The following TTI1 variants were observed in gnomAD, a reference collection of about 807,000 sequenced individuals.
The protein encoded by TTI1 is TELO2-interacting protein 1 homolog.
A neutral mutation model predicts 85.4 loss-of-function variants in TTI1; 52 were observed. The observed-to-expected ratio is 0.61, with a 90% CI of 0.49 to 0.77. The LOEUF is 0.77. Ranked by LOEUF, TTI1 falls within the 30% of genes least tolerant of loss-of-function variation. The probability of loss-of-function intolerance (pLI) is 0.00; values close to 1 mark genes in which losing one functional copy is unlikely to be tolerated. For missense variants in TTI1, 1,173 were observed against 1,296.0 expected (o/e 0.91, Z 1.46); for synonymous variants, 512 against 503.9 (o/e 1.02, Z -0.22).
chr20:38,018,047 A>G (rs1462516189), intron 1 of TTI1, among the ~76,000 whole-genome samples: 1 of 152,234 alleles, frequency 6.6e-6, no homozygotes, highest in East Asian at 1.9e-4. Context: ...ATCCACTATG[A>G]TTCTTTTATA....
At position 37,983,442 on chromosome 20, in the gene TTI1, G is replaced by C. The variant is rs770448322; in HGVS notation, c.*14C>G. ...AGGGGAGGGATCGGTGGCCTCTGTG[G>C]TGGGGGAGCAGGGTCACTGCAGCTC... is the stretch of plus-strand genomic sequence containing the variant. On this transcript the variant is annotated 3_prime_UTR_variant, in exon 8 of 8. Coordinates refer to ENST00000373447, the MANE Select transcript of TTI1 (RefSeq NM_001303457.2). 1.9e-6 allele frequency: 3 copies of C among 1,607,702 alleles called. No homozygotes were observed. The highest frequency in any genetic ancestry group is 2.7e-5 in the African/African-American group (2 of 74,778).
At chr20:38,030,069 C>G (rs2073886842) in intron 1 of TTI1, among the ~76,000 whole-genome samples, 1 of 152,074 alleles carries the variant, frequency 6.6e-6, no homozygotes, top group Non-Finnish European at 1.5e-5. Context: ...ATAGCTTTAC[C>G]CATATAAATT....
At chr20:37,992,547 G>A (rs1454909735) in intron 7 of TTI1, among the ~76,000 whole-genome samples, 1 of 152,172 alleles carries the variant, frequency 6.6e-6, no homozygotes, top group Non-Finnish European at 1.5e-5. Flanking sequence ...AAAGTGCTGG[G>A]ATTACAAGCG....
chr20:38,020,309 TGAAA>T (rs1371266085), intron 1 of TTI1, among the ~76,000 whole-genome samples: 231 of 46,552 alleles, frequency 5.0e-3, no homozygotes, highest in South Asian at 7.5e-3. Context: ...GCTACTCATA[TGAAA>T]AAAAAAAAAA....
At chr20:38,021,483 C>T (rs954409337) in intron 1 of TTI1, among the ~76,000 whole-genome samples, 2 of 152,178 alleles carry the variant, frequency 1.3e-5, no homozygotes, top group Non-Finnish European at 1.5e-5. Flanking sequence ...GCAACAGGGG[C>T]ATTCTGGTCC....
In TTI1 at chr20:38,022,936, A is replaced by G. The variant is rs537191227; in HGVS notation, c.-41-9079T>C. ...ATTTCCATGAATTTTATCTTCTTCA[A>G]TATAAAATAAACTTATGGATAAGAA... On this transcript the variant is annotated intron_variant, in intron 1 of 7. Coordinates refer to ENST00000373447, the MANE Select transcript of TTI1 (RefSeq NM_001303457.2). 4.6e-5 allele frequency among the ~76,000 whole-genome samples: 7 copies of G among 152,316 alleles called. No homozygotes were observed. In the South Asian group the frequency reaches 1.2e-3, roughly 27 times the overall value.
chr20:38,032,666 C>T (rs1036242082), intron 1 of TTI1, among the ~76,000 whole-genome samples: 3 of 152,190 alleles, frequency 2.0e-5, no homozygotes, highest in Non-Finnish European at 4.4e-5. Flanking sequence ...CTCACTGTAA[C>T]CTCTAACTCC....
At chr20:37,999,044 T>A in intron 5 of TTI1, 144 bp downstream of exon 5, 1 of 1,000,746 alleles carries the variant, frequency 1.0e-6, no homozygotes. Flanking sequence ...CTTTCTTCTT[T>A]GTGCTTTTCT....
chr20:38,001,603 A>G (rs2073426325), intron 4 of TTI1, among the ~76,000 whole-genome samples: 1 of 152,192 alleles, frequency 6.6e-6, no homozygotes, highest in Non-Finnish European at 1.5e-5. Flanking sequence ...AACTCCACAC[A>G]ACACAGGCGC....
chr20:38,016,471 A>G (rs2073684173), intron 1 of TTI1, among the ~76,000 whole-genome samples: 1 of 152,210 alleles, frequency 6.6e-6, no homozygotes, highest in African/African-American at 2.4e-5. Flanking sequence ...TTCTCAGATT[A>G]TATAACAAAA....
chr20:37,990,197 A>T (rs1371831098), intron 7 of TTI1, among the ~76,000 whole-genome samples: 1 of 152,184 alleles, frequency 6.6e-6, no homozygotes, highest in Non-Finnish European at 1.5e-5. Flanking sequence ...CATTTAAAAA[A>T]TTTCTTCACT....
intron 7 of TTI1, among the ~76,000 whole-genome samples, chr20:37,992,031 A>T (rs1185361717): frequency 6.6e-6 from 1 of 152,166 alleles, no homozygotes; most frequent in Non-Finnish European, 1.5e-5. Flanking sequence ...TTTTTCTCTC[A>T]CACACAATGG....
At position 37,999,615 on chromosome 20, in the gene TTI1, G is replaced by T. The variant is rs138766034; in HGVS notation, c.2653-287C>A. ...TGGGACAAGAAGGGAAGTCAAAGGT[G>T]AAATGCAAAGAAACGAGGGGAAGGA... On this transcript the variant is annotated intron_variant, in intron 4 of 7. Transcript: ENST00000373447. 2.9e-4 allele frequency among the ~76,000 whole-genome samples: 44 copies of T among 152,320 alleles called. 2 individuals are homozygous for T. In the East Asian group the frequency reaches 8.5e-3, roughly 29 times the overall value.
chr20:38,023,384 G>A (rs185440609), intron 1 of TTI1, among the ~76,000 whole-genome samples: 5 of 152,206 alleles, frequency 3.3e-5, no homozygotes, highest in African/African-American at 9.6e-5. Context: ...TCAATGTGGT[G>A]GGGGAGCAGA....
intron 1 of TTI1, among the ~76,000 whole-genome samples, chr20:38,030,318 C>T (rs1005345398): frequency 1.3e-5 from 2 of 151,688 alleles, no homozygotes; most frequent in African/African-American, 2.4e-5. Context: ...GAGAATTCCG[C>T]CAAACATTTA....
At chr20:38,022,413 T>G (rs2073782413) in intron 1 of TTI1, among the ~76,000 whole-genome samples, 1 of 152,238 alleles carries the variant, frequency 6.6e-6, no homozygotes, top group African/African-American at 2.4e-5. Context: ...TTACTGTTTC[T>G]CTCCTTTCAC....
At chr20:38,027,506 C>T (rs1405611535) in intron 1 of TTI1, among the ~76,000 whole-genome samples, 3 of 152,196 alleles carry the variant, frequency 2.0e-5, no homozygotes, top group South Asian at 4.1e-4. Context: ...TAACTATTGA[C>T]AGCCTACTGT....
intron 1 of TTI1, among the ~76,000 whole-genome samples, chr20:38,017,549 C>T (rs950434655): frequency 2.6e-5 from 4 of 151,950 alleles, no homozygotes; most frequent in Non-Finnish European, 5.9e-5. Context: ...ACAATGCTTT[C>T]GATGGTCACC....
intron 1 of TTI1, among the ~76,000 whole-genome samples, chr20:38,031,049 T>G (rs1270859293): frequency 6.6e-6 from 1 of 152,192 alleles, no homozygotes; most frequent in South Asian, 2.1e-4. Context: ...CTCTAAAATA[T>G]CCCCAGAACT....
Sources: gnomAD v4.1 joint callset for allele counts (sites outside exome capture counted in the v4.1 genomes callset) on GRCh38, gnomAD v4.1.1 for gene constraint, MANE v1.5 for transcripts, NCBI Gene and HGNC (gene_info 2026-07-23, HGNC 2026-07-21) for gene names.